POLQ: variants seen among roughly 807,000 people sequenced by gnomAD.
POLQ encodes epididymis secretory sperm binding protein.
POLQ carries 233 observed loss-of-function variants against 259.2 expected under a neutral mutation model. The ratio of observed to expected loss-of-function variants is 0.90; its 90% CI spans 0.81 to 1.00. The LOEUF (loss-of-function observed/expected upper bound fraction) is 1.00. Ranked by LOEUF, POLQ falls within the 50% of genes least tolerant of loss-of-function variation. The pLI, the probability that POLQ is intolerant of heterozygous loss-of-function variation, is 0.00. For synonymous variants in POLQ, 1,025 were observed against 1,048.8 expected, an observed-to-expected ratio of 0.98 and a Z score of 0.44; for missense variants, 2,871 against 3,051.6, an observed-to-expected ratio of 0.94 and a Z score of 1.39.
chr3:121,461,889 T>C (rs896639691), intron 24 of POLQ, among the ~76,000 whole-genome samples: 2 of 152,136 alleles, frequency 1.3e-5, no homozygotes, highest in Admixed American at 1.3e-4. Flanking sequence ...CCAATACACA[T>C]CTTTTATATC....
chr3:121,487,555 C>A lies in POLQ; in HGVS notation c.5376G>T (p.Gly1792=), dbSNP rs369852464. 5 of 1,613,890 alleles carry A rather than the reference C, an allele frequency of 3.1e-6. No homozygotes were observed. The highest frequency in any genetic ancestry group is 4.2e-6 in the Non-Finnish European group (5 of 1,179,954). Residue 1792 remains glycine (G), a synonymous_variant, in exon 16 of 30, where the codon GGG becomes GGT. Coordinates refer to ENST00000264233, the MANE Select transcript of POLQ (RefSeq NM_199420.4). ...CACTAATAGGGCTGTTGTCTTTGAA[C>A]CCATTTCTACTCCCTGGACTTAAAT... ...NHDLSPGSRN[G]FKDNSPISDT...
At chr3:121,536,707 C>T (rs997623315) in intron 5 of POLQ, among the ~76,000 whole-genome samples, 70 of 152,088 alleles carry the variant, frequency 4.6e-4, no homozygotes, top group Middle Eastern at 3.2e-3. Context: ...TAAAGTGGCA[C>T]AATCATACCT....
chr3:121,481,802 C>T lies in POLQ; in HGVS notation c.5981G>A (p.Trp1994Ter). 1 of 1,610,236 alleles carries T rather than the reference C, an allele frequency of 6.2e-7. No individual in the cohort carries two copies. The highest frequency in any genetic ancestry group is 8.5e-7 in the Non-Finnish European group (1 of 1,177,282). The change falls in exon 19 of 30, where the codon TGG becomes TAG. Residue 1994 changes from tryptophan to a stop codon, truncating the protein, a stop_gained. Coordinates refer to ENST00000264233, the MANE Select transcript of POLQ (RefSeq NM_199420.4). LOFTEE classifies it high-confidence loss of function. ...QSYEDPKVAC[W>*]LLDPDSQEPT... is the part of the protein sequence containing the mutation. ...CTCCTGAGAATCTGGATCTAGTAAC[C>T]AGCATGCCACCTGAATGGGATAGCA...
intron 5 of POLQ, among the ~76,000 whole-genome samples, chr3:121,536,343 T>C (rs1413921850): frequency 1.3e-5 from 2 of 152,186 alleles, no homozygotes; most frequent in Admixed American, 1.3e-4. Flanking sequence ...TCTTCATCTT[T>C]CATAGTAAAA....
Position 121,511,895 on chromosome 3 carries a change from T to TA in POLQ, c.1602dup (p.Ile535TyrfsTer49). 9 of 1,612,604 alleles carry TA rather than the reference T, an allele frequency of 5.6e-6. No homozygotes were observed. The highest frequency in any genetic ancestry group is 7.6e-6 in the Non-Finnish European group (9 of 1,179,418). ...AGTAAATTCTCTCTTACCTCCAGAA[T>TA]AGCTCGTATCATGCTGCCAGTTACT... On this transcript the variant is annotated frameshift_variant, in exon 10 of 30. Transcript: ENST00000264233. LOFTEE classifies it high-confidence loss of function.
intron 11 of POLQ, 79 bp downstream of exon 11, chr3:121,509,960 A>G: frequency 5.2e-6 from 6 of 1,155,042 alleles, no homozygotes; most frequent in Non-Finnish European, 7.6e-6. Flanking sequence ...TGAAAAGACA[A>G]TTTCCATTCA....
chr3:121,525,645 C>T (rs1261205045), intron 7 of POLQ, among the ~76,000 whole-genome samples: 1 of 151,994 alleles, frequency 6.6e-6, no homozygotes, highest in Non-Finnish European at 1.5e-5. Flanking sequence ...GTTTCAGTGC[C>T]GATATCATAG....
At chr3:121,466,823 C>T (rs1266403235) in intron 24 of POLQ, among the ~76,000 whole-genome samples, 1 of 152,058 alleles carries the variant, frequency 6.6e-6, no homozygotes, top group Non-Finnish European at 1.5e-5. Flanking sequence ...GACATGTCAT[C>T]ATAGGTCTGA....
At chr3:121,526,402 C>A (rs2048373987) in intron 7 of POLQ, among the ~76,000 whole-genome samples, 1 of 152,154 alleles carries the variant, frequency 6.6e-6, no homozygotes, top group South Asian at 2.1e-4. Flanking sequence ...TGATCATAAA[C>A]CCAACTGCAT....
At chr3:121,490,556 T>C in intron 15 of POLQ, 148 bp from the exon 16 acceptor site, 1 of 661,154 alleles carries the variant, frequency 1.5e-6, no homozygotes. Flanking sequence ...TGGCACATTC[T>C]AGCTGGGGAA....
At chr3:121,468,868 A>T (rs1044140568) in intron 22 of POLQ, among the ~76,000 whole-genome samples, 4 of 152,196 alleles carry the variant, frequency 2.6e-5, no homozygotes, top group Non-Finnish European at 2.9e-5. Flanking sequence ...CATCATTGTC[A>T]TTCATCAAGA....
chr3:121,530,876 G>A (rs1022774520), intron 6 of POLQ, among the ~76,000 whole-genome samples: 3 of 152,178 alleles, frequency 2.0e-5, no homozygotes, highest in African/African-American at 4.8e-5. Context: ...AGTAGGAAGA[G>A]ATAGATAATT....
In POLQ at chr3:121,498,566, T is replaced by C; in HGVS notation, c.2064A>G (p.Gly688=). ...AACGGGCCAAGAACCCCTCTTCAAC[T>C]CCCACTAGCTCTGCCACCCTTTTCA... is the stretch of plus-strand genomic sequence containing the variant. ...TSMKRVAELV[G]VEEGFLARCV... Residue 688 remains glycine (G), a synonymous_variant, in exon 13 of 30, where the codon GGA becomes GGG. Coordinates refer to ENST00000264233, the MANE Select transcript of POLQ (RefSeq NM_199420.4). 1 of 1,614,016 alleles carries C rather than the reference T, an allele frequency of 6.2e-7. No individual in the cohort carries two copies. The highest frequency in any genetic ancestry group is 1.1e-5 in the South Asian group (1 of 91,078).
intron 4 of POLQ, among the ~76,000 whole-genome samples, chr3:121,538,556 G>A (rs2048466748): frequency 7.0e-6 from 1 of 141,878 alleles, no homozygotes; most frequent in South Asian, 2.2e-4. Flanking sequence ...TGTCTGATGA[G>A]TTATTTTAGC....
Position 121,483,525 on chromosome 3 carries a change from CT to C in POLQ, c.5830del (p.Arg1944GlyfsTer53). 1 of 1,598,658 alleles carries C rather than the reference CT, an allele frequency of 6.3e-7. No homozygotes were observed. ...SLDPSLTLKD[R>X]MWYLQSCLRK... The stretch of plus-strand genomic sequence containing the variant: ...CAAGCAAGATTGAAGGTACCACATC[CT>C]GTCTTTCAAAGTCAGGCTTGGATCT... On this transcript the variant is annotated frameshift_variant, in exon 18 of 30. Transcript: ENST00000264233. LOFTEE classifies it high-confidence loss of function.
chr3:121,466,414 G>GGC (rs34780330), intron 24 of POLQ, among the ~76,000 whole-genome samples: 93,783 of 149,126 alleles, frequency 0.63, 29,891 homozygotes, highest in East Asian at 0.89. Flanking sequence ...ACCTTAGCCA[G>GGC]GCGCAGTGGC....
In POLQ at chr3:121,539,552, T is replaced by A; in HGVS notation, c.512A>T (p.Tyr171Phe). 1 of 1,612,986 alleles carries A rather than the reference T, an allele frequency of 6.2e-7. No homozygotes were observed. The highest frequency in any genetic ancestry group is 8.5e-7 in the Non-Finnish European group (1 of 1,179,008). The stretch of plus-strand genomic sequence containing the variant: ...CCTTGATGGAGAGGTGCTGCCCATA[T>A]AACCGTCTACTTTTATTCCTACTTC... Reference protein sequence around the residue: ...FQEVGIKVDGYMGSTSPSRHF... With the variant: ...FQEVGIKVDGFMGSTSPSRHF... The change falls in exon 4 of 30, where the codon TAT becomes TTT. Residue 171 changes from tyrosine to phenylalanine, a missense_variant. Around this residue, in one of 3 missense-constraint regions of POLQ, gnomAD observed 783 missense variants for 906.2 expected, o/e 0.86. Coordinates refer to ENST00000264233, the MANE Select transcript of POLQ (RefSeq NM_199420.4).
At chr3:121,501,484 C>G (rs2048167447) in intron 12 of POLQ, among the ~76,000 whole-genome samples, 1 of 148,420 alleles carries the variant, frequency 6.7e-6, no homozygotes, top group African/African-American at 2.5e-5. Context: ...ACGGTGAAAC[C>G]CCGTCTCTAC....
intron 9 of POLQ, among the ~76,000 whole-genome samples, 180 bp from the exon 10 acceptor site, chr3:121,512,209 T>C (rs942928486): frequency 2.6e-5 from 4 of 152,198 alleles, no homozygotes; most frequent in African/African-American, 4.8e-5. Context: ...AATATGCCAC[T>C]CCAAAATATG....
Sources: gnomAD v4.1 joint callset for allele counts (sites outside exome capture counted in the v4.1 genomes callset) on GRCh38, gnomAD v4.1.1 for gene constraint, gnomAD v4.1.1 regional missense constraint, MANE v1.5 for transcripts, NCBI Gene and HGNC (gene_info 2026-07-23, HGNC 2026-07-21) for gene names.